Variants in FUT8 observed in about 807,000 individuals in gnomAD.
FUT8 encodes the protein fucosyltransferase 8, also known as alpha-(1,6)-fucosyltransferase.
A neutral mutation model predicts 71.3 loss-of-function variants in FUT8; 29 were observed. The ratio of observed to expected loss-of-function variants is 0.41; its 90% confidence interval spans 0.30 to 0.55. FUT8 has a LOEUF of 0.55. Ranked by LOEUF, FUT8 falls within the 20% of genes least tolerant of loss-of-function variation. The pLI, the probability that FUT8 is intolerant of heterozygous loss-of-function variation, is 0.34. For synonymous variants in FUT8, 254 were observed against 239.3 expected, an observed-to-expected ratio of 1.06 and a Z score of -0.57; for missense variants, 544 against 702.1, an observed-to-expected ratio of 0.77 and a Z score of 2.55.
At chr14:65,691,035 T>C (rs565037617) in intron 7 of FUT8, among the ~76,000 whole-genome samples, 2 of 151,332 alleles carry the variant, frequency 1.3e-5, no homozygotes, top group African/African-American at 4.9e-5. Flanking sequence ...CACATTTGAC[T>C]TTTGTATATC....
chr14:65,446,874 G>T (rs1449351797), intron 1 of FUT8, among the ~76,000 whole-genome samples: 1 of 149,170 alleles, frequency 6.7e-6, no homozygotes, highest in East Asian at 2.0e-4. Context: ...TTGCTATGTT[G>T]CCCAAGCTGG....
intron 2 of FUT8, among the ~76,000 whole-genome samples, chr14:65,498,776 G>A (rs2066599756): frequency 6.6e-6 from 1 of 152,126 alleles, no homozygotes; most frequent in African/African-American, 2.4e-5. Flanking sequence ...TAACATTTGG[G>A]TCTTACTGAA....
chr14:65,720,239 C>T (rs943671413), intron 7 of FUT8, among the ~76,000 whole-genome samples: 4 of 152,260 alleles, frequency 2.6e-5, no homozygotes, highest in African/African-American at 9.6e-5. Context: ...CTCCCTATGG[C>T]CACCACCACT....
At chr14:65,557,358 A>T (rs181587687) in intron 2 of FUT8, among the ~76,000 whole-genome samples, 72 of 149,054 alleles carry the variant, frequency 4.8e-4, no homozygotes, top group African/African-American at 1.7e-3. Flanking sequence ...TTTGAGACAG[A>T]GCCTTGCTCT....
chr14:65,468,429 A>C (rs1236323393), intron 2 of FUT8: 3 of 263,986 alleles, frequency 1.1e-5, no homozygotes, highest in Admixed American at 5.3e-5. Context: ...ATTTCACTTC[A>C]CTCTTTTTGC....
At chr14:65,639,884 G>A (rs7145706) in intron 6 of FUT8, among the ~76,000 whole-genome samples, 149,820 of 152,250 alleles carry the variant, frequency 0.98, 73,775 homozygotes, top group Middle Eastern at 1. Flanking sequence ...TTTTCAAAAC[G>A]TAACTACATT....
At chr14:65,501,888 C>T (rs919860631) in intron 2 of FUT8, among the ~76,000 whole-genome samples, 1 of 87,074 alleles carries the variant, frequency 1.1e-5, no homozygotes, top group African/African-American at 4.1e-5. Flanking sequence ...GGGCATGAGA[C>T]GGGTCTACTT....
At chr14:65,512,118 T>G (rs11627084) in intron 2 of FUT8, among the ~76,000 whole-genome samples, 54,183 of 152,126 alleles carry the variant, frequency 0.36, 11,989 homozygotes, top group Non-Finnish European at 0.5. Flanking sequence ...CAGTAGTAAG[T>G]ATTTGTGTAC....
chr14:65,552,565 GT>G (rs1403723287), intron 2 of FUT8, among the ~76,000 whole-genome samples: 1 of 152,164 alleles, frequency 6.6e-6, no homozygotes, highest in Non-Finnish European at 1.5e-5. Flanking sequence ...TAGGAGGTCA[GT>G]TACTTACTGC....
At chr14:65,442,694 G>A (rs2065679511) in intron 1 of FUT8, among the ~76,000 whole-genome samples, 1 of 151,752 alleles carries the variant, frequency 6.6e-6, no homozygotes, top group African/African-American at 2.4e-5. Context: ...AAATTAGCTG[G>A]GCATGGTGGT....
At chr14:65,544,963 C>T (rs1884902528) in intron 2 of FUT8, among the ~76,000 whole-genome samples, 1 of 151,828 alleles carries the variant, frequency 6.6e-6, no homozygotes, top group Admixed American at 6.6e-5. Flanking sequence ...CTTCTTCTCT[C>T]TTTTCATCCT....
chr14:65,516,733 A>T (rs1365822967), intron 2 of FUT8, among the ~76,000 whole-genome samples: 3 of 151,962 alleles, frequency 2.0e-5, no homozygotes, highest in Non-Finnish European at 2.9e-5. Flanking sequence ...CCTTTTTGTT[A>T]TGGTAAAATG....
intron 3 of FUT8, among the ~76,000 whole-genome samples, chr14:65,601,561 C>A (rs932723572): frequency 1.3e-5 from 2 of 152,122 alleles, no homozygotes; most frequent in Middle Eastern, 6.8e-3. Flanking sequence ...AAAATTTTTT[C>A]TTATTATCAT....
chr14:65,630,690 A>G (rs1476631067), intron 6 of FUT8, among the ~76,000 whole-genome samples: 2 of 152,222 alleles, frequency 1.3e-5, no homozygotes, highest in African/African-American at 4.8e-5. Context: ...GATAAAATTG[A>G]TAGGCCTTTC....
At chr14:65,452,293 T>C (rs1000630113) in intron 1 of FUT8, among the ~76,000 whole-genome samples, 1 of 152,212 alleles carries the variant, frequency 6.6e-6, no homozygotes, top group African/African-American at 2.4e-5. Context: ...GATGGACTAA[T>C]AGGGATGGTC....
chr14:65,399,908 C>G, the FUT8 span, among the ~76,000 whole-genome samples: 1 of 152,184 alleles, frequency 6.6e-6, no homozygotes, highest in Non-Finnish European at 1.5e-5. Context: ...GTAATAAAAT[C>G]TACTTTCTTC....
intron 6 of FUT8, among the ~76,000 whole-genome samples, chr14:65,661,637 G>A (rs1891969841): frequency 6.6e-6 from 1 of 151,920 alleles, no homozygotes; most frequent in Non-Finnish European, 1.5e-5. Flanking sequence ...AAAAGTCATA[G>A]AAAAAAATCA....
chr14:65,595,414 T>C (rs2411354), intron 3 of FUT8, among the ~76,000 whole-genome samples: 126,135 of 152,040 alleles, frequency 0.83, 52,576 homozygotes, highest in East Asian at 1. Context: ...TTCCAGGGTT[T>C]ACTTCATCCT....
At chr14:65,361,912 T>C in the FUT8 span, among the ~76,000 whole-genome samples, 3 of 152,214 alleles carry the variant, frequency 2.0e-5, no homozygotes, top group South Asian at 6.2e-4. Context: ...TCGCTGGGAA[T>C]GTTGTGGTAG....
Sources: allele counts gnomAD v4.1 joint callset (sites outside exome capture counted in the v4.1 genomes callset), GRCh38; gene constraint gnomAD v4.1.1; transcripts MANE v1.5; gene names NCBI Gene and HGNC (gene_info 2026-07-23, HGNC 2026-07-21).